The following KSR2 variants were observed in gnomAD, a reference collection of about 807,000 sequenced individuals.
KSR2 encodes the protein kinase suppressor of ras 2.
A neutral mutation model predicts 107.8 loss-of-function variants in KSR2; 25 were observed. The ratio of observed to expected loss-of-function variants is 0.23; its 90% CI spans 0.17 to 0.32. The LOEUF (loss-of-function observed/expected upper bound fraction) is 0.32, where lower values mean the gene tolerates loss of function less well. Among genes scored for constraint, KSR2 ranks in the 10% least tolerant of loss-of-function variants. The pLI is 1.00. For missense variants in KSR2, 887 were observed against 1,268.9 expected (o/e 0.70, Z 4.57); for synonymous variants, 480 against 507.0 (o/e 0.95, Z 0.71).
intron 3 of KSR2, among the ~76,000 whole-genome samples, chr12:117,805,844 T>C (rs775235117): frequency 1.3e-5 from 2 of 151,974 alleles, no homozygotes; most frequent in Non-Finnish European, 2.9e-5. Context: ...TAGCCAGGTG[T>C]GGGGGTGTGT....
At chr12:117,872,434 T>C (rs1253909087) in intron 1 of KSR2, among the ~76,000 whole-genome samples, 2 of 152,090 alleles carry the variant, frequency 1.3e-5, no homozygotes, top group African/African-American at 4.8e-5. Flanking sequence ...CATGGTGCTG[T>C]GCACCTGTAG....
chr12:117,926,845 A>AAC (rs1306469658), intron 1 of KSR2, among the ~76,000 whole-genome samples: 1 of 152,188 alleles, frequency 6.6e-6, no homozygotes, highest in Non-Finnish European at 1.5e-5. Flanking sequence ...TGAGGTTCTA[A>AAC]AATCTTGCTT....
chr12:117,643,091 A>G lies in KSR2; in HGVS notation c.1171+24383T>C, dbSNP rs530891709. Among the ~76,000 whole-genome samples, 4 of 152,356 alleles carry G rather than the reference A, an allele frequency of 2.6e-5. No homozygotes were observed. The South Asian group carries it at 8.3e-4, about 32-fold the overall frequency. ...TTGGATTTTATGCACCCATGAAATTAATAAATAGGGGACTACCTAGAGTTA... is the reference window on the plus strand; with the variant it reads ...TTGGATTTTATGCACCCATGAAATTGATAAATAGGGGACTACCTAGAGTTA... On this transcript the variant is annotated intron_variant, in intron 5 of 19. Coordinates refer to ENST00000339824, the MANE Select transcript of KSR2 (RefSeq NM_173598.6).
At chr12:117,664,065 T>C (rs1884549151) in intron 5 of KSR2, among the ~76,000 whole-genome samples, 1 of 152,246 alleles carries the variant, frequency 6.6e-6, no homozygotes, top group Admixed American at 6.5e-5. Context: ...TAGCCCTACC[T>C]GAGTGAGGCT....
At chr12:117,933,281 T>C (rs1388857495) in intron 1 of KSR2, among the ~76,000 whole-genome samples, 1 of 152,172 alleles carries the variant, frequency 6.6e-6, no homozygotes, top group Non-Finnish European at 1.5e-5. Flanking sequence ...TATTCAAGCA[T>C]ACTTATACTA....
intron 3 of KSR2, among the ~76,000 whole-genome samples, chr12:117,789,907 C>T (rs1042158280): frequency 6.6e-6 from 1 of 152,216 alleles, no homozygotes; most frequent in Admixed American, 6.5e-5. Flanking sequence ...CACACACACA[C>T]AGCATGTCTT....
intron 5 of KSR2, among the ~76,000 whole-genome samples, chr12:117,621,625 C>T (rs1882200735): frequency 6.6e-6 from 1 of 152,112 alleles, no homozygotes; most frequent in South Asian, 2.1e-4. Flanking sequence ...ATGTCATCAA[C>T]ACAGACCTCC....
At chr12:117,954,969 A>T (rs1370974015) in intron 1 of KSR2, among the ~76,000 whole-genome samples, 1 of 151,018 alleles carries the variant, frequency 6.6e-6, no homozygotes, top group African/African-American at 2.4e-5. Context: ...GTGAGCTGAG[A>T]TCGCGCCACT....
At chr12:117,949,118 A>G (rs1771595785) in intron 1 of KSR2, among the ~76,000 whole-genome samples, 1 of 152,032 alleles carries the variant, frequency 6.6e-6, no homozygotes, top group Admixed American at 6.6e-5. Flanking sequence ...ATCAAAATAA[A>G]AACATATATA....
intron 14 of KSR2, among the ~76,000 whole-genome samples, chr12:117,488,617 G>A (rs1185559160): frequency 1.3e-5 from 2 of 152,142 alleles, no homozygotes; most frequent in African/African-American, 4.8e-5. Flanking sequence ...TCTGGAAGAC[G>A]GCCCTCCCCA....
chr12:117,837,669 T>A (rs1352374161), intron 3 of KSR2, among the ~76,000 whole-genome samples: 1 of 152,184 alleles, frequency 6.6e-6, no homozygotes, highest in Non-Finnish European at 1.5e-5. Context: ...CCCGAGCCAC[T>A]GAGAGCATCC....
intron 5 of KSR2, among the ~76,000 whole-genome samples, chr12:117,638,041 G>A (rs895964915): frequency 2.6e-5 from 4 of 152,084 alleles, no homozygotes; most frequent in African/African-American, 9.7e-5. Flanking sequence ...ACTCTAACAC[G>A]ACATTGACTG....
In KSR2 at chr12:117,456,989, T is replaced by A. The variant is rs1449506389; in HGVS notation, c.*10210A>T. On this transcript the variant is annotated 3_prime_UTR_variant, in exon 20 of 20. Transcript: ENST00000339824. ...CCTTCCTGGGGAATACAGAAGGGCT[T>A]TCCCTGAGTAGCCTCAGAAAGCAAC... is the stretch of plus-strand genomic sequence containing the variant. 1 of 152,238 alleles carries A rather than the reference T, an allele frequency of 6.6e-6. No individual in the cohort carries two copies. Among genetic ancestry groups the A allele is most frequent in the Non-Finnish European group, 1.5e-5 (1 of 68,048 alleles). 9.4% of individuals were successfully genotyped at this position (152,238 alleles called of 1,614,324 possible). A position where few individuals can be genotyped will look rare whatever the true frequency, so the allele number is the denominator to read the frequency against.
chr12:117,570,250 C>T (rs1472569989), intron 7 of KSR2, among the ~76,000 whole-genome samples: 2 of 152,200 alleles, frequency 1.3e-5, no homozygotes, highest in Non-Finnish European at 2.9e-5. Flanking sequence ...GATCCGCCCG[C>T]CTCGGCCTCC....
At chr12:117,627,934 G>T (rs1485703597) in intron 5 of KSR2, among the ~76,000 whole-genome samples, 1 of 150,760 alleles carries the variant, frequency 6.6e-6, no homozygotes, top group Non-Finnish European at 1.5e-5. Flanking sequence ...TTGTTTTCTT[G>T]CTTTATTTCA....
intron 3 of KSR2, among the ~76,000 whole-genome samples, chr12:117,798,885 G>A (rs4766879): frequency 0.61 from 92,168 of 152,004 alleles, 30,352 homozygotes; most frequent in African/African-American, 0.87. Context: ...TATGCATACA[G>A]TGGAATATTA....
chr12:117,680,064 A>G (rs1440803481), intron 4 of KSR2, among the ~76,000 whole-genome samples: 2 of 152,130 alleles, frequency 1.3e-5, no homozygotes, highest in East Asian at 3.9e-4. Flanking sequence ...TCAAGAGAAA[A>G]CTTGTAAGAG....
At chr12:117,546,035 A>G (rs1190884775) in intron 9 of KSR2, among the ~76,000 whole-genome samples, 1 of 152,218 alleles carries the variant, frequency 6.6e-6, no homozygotes, top group Non-Finnish European at 1.5e-5. Flanking sequence ...GAGAAGGTAT[A>G]TGTACTATTG....
At chr12:117,945,138 T>C (rs1286657284) in intron 1 of KSR2, among the ~76,000 whole-genome samples, 1 of 152,094 alleles carries the variant, frequency 6.6e-6, no homozygotes, top group Admixed American at 6.5e-5. Flanking sequence ...TCAACACTTC[T>C]CTCTCTGTAA....
Sources: gnomAD v4.1 joint callset for allele counts (sites outside exome capture counted in the v4.1 genomes callset) on GRCh38, gnomAD v4.1.1 for gene constraint, MANE v1.5 for transcripts, NCBI Gene and HGNC (gene_info 2026-07-23, HGNC 2026-07-21) for gene names.